Variants in DACH2 observed in about 807,000 individuals in gnomAD.
DACH2 encodes the protein dachshund family transcription factor 2.
In DACH2, 17 loss-of-function variants were observed where a neutral mutation model predicts 35.8. That is an observed-to-expected ratio of 0.48 (90% CI 0.33 to 0.71). The LOEUF is 0.71. Ranked by LOEUF, DACH2 falls within the 30% of genes least tolerant of loss-of-function variation. DACH2 has a pLI of 0.02. For synonymous variants in DACH2, 195 were observed against 177.3 expected, an observed-to-expected ratio of 1.10 and a Z score of -0.79; for missense variants, 469 against 472.7, an observed-to-expected ratio of 0.99 and a Z score of 0.07.
intron 6 of DACH2, among the ~76,000 whole-genome samples, chrX:86,725,201 T>C: frequency 9.0e-6 from 1 of 111,639 alleles, no homozygotes; most frequent in Middle Eastern, 4.7e-3. Context: ...TTTTGATTCA[T>C]TTCTTTTCCT....
At chrX:86,549,326 C>A (rs2039015983) in intron 3 of DACH2, among the ~76,000 whole-genome samples, 1 of 110,989 alleles carries the variant, frequency 9.0e-6, no homozygotes, top group Non-Finnish European at 1.9e-5. Context: ...ATAATATTTT[C>A]CCTTGAGACA....
At chrX:86,727,432 C>G (rs949137660) in intron 6 of DACH2, among the ~76,000 whole-genome samples, 1 of 111,577 alleles carries the variant, frequency 9.0e-6, no homozygotes, top group African/African-American at 3.3e-5. Flanking sequence ...GTTTAAATTA[C>G]TCTTACTGTC....
chrX:86,291,493 G>C (rs1379324057), intron 1 of DACH2, among the ~76,000 whole-genome samples: 1 of 105,184 alleles, frequency 9.5e-6, no homozygotes, highest in African/African-American at 3.6e-5. Context: ...GGGCATCCCT[G>C]TCTTGTGCCA....
At chrX:86,718,886 C>G (rs765410248) in intron 6 of DACH2, among the ~76,000 whole-genome samples, 28 of 111,839 alleles carry the variant, frequency 2.5e-4, no homozygotes, top group Non-Finnish European at 4.3e-4. Context: ...TGTAGCCTTA[C>G]AGTATAATTT....
At chrX:86,445,688 C>T (rs1198600643) in intron 2 of DACH2, among the ~76,000 whole-genome samples, 1 of 108,367 alleles carries the variant, frequency 9.2e-6, no homozygotes, top group Non-Finnish European at 1.9e-5. Flanking sequence ...TCTTCTATTA[C>T]TGATTTCTAG....
chrX:86,635,328 TAA>T (rs77223425), intron 3 of DACH2, among the ~76,000 whole-genome samples: 33,542 of 85,926 alleles, frequency 0.39, 5,547 homozygotes, highest in Middle Eastern at 0.5. Flanking sequence ...TCCATAGTGT[TAA>T]AAAAAAAAAA....
At chrX:86,793,927 T>C (rs940016729) in intron 7 of DACH2, among the ~76,000 whole-genome samples, 1 of 112,146 alleles carries the variant, frequency 8.9e-6, no homozygotes, top group Non-Finnish European at 1.9e-5. Context: ...CAAAGTGCAT[T>C]GTACTTAAAT....
intron 3 of DACH2, among the ~76,000 whole-genome samples, chrX:86,642,540 T>C (rs1305616240): frequency 3.6e-5 from 4 of 111,538 alleles, no homozygotes; most frequent in Non-Finnish European, 7.5e-5. Flanking sequence ...CAGCATTAGA[T>C]AGATCATTGA....
intron 3 of DACH2, among the ~76,000 whole-genome samples, chrX:86,556,795 T>TATATATATAGAG (rs1232719385): frequency 5.9e-4 from 15 of 25,284 alleles, no homozygotes; most frequent in East Asian, 1.7e-3. Flanking sequence ...TATATATATA[T>TATATATATAGAG]AGAGAGAGAG....
Position 86,468,735 on chromosome X carries a change from AG to A in DACH2, c.528-45543del, listed in dbSNP as rs1204334705. 2.9e-4 allele frequency among the ~76,000 whole-genome samples: 32 copies of A among 111,834 alleles called. 1 individual carries two copies. Among genetic ancestry groups the A allele is most frequent in the Non-Finnish European group, 3.8e-5 (2 of 53,130 alleles). On this transcript the variant is annotated intron_variant, in intron 2 of 11. Coordinates refer to ENST00000373125, the MANE Select transcript of DACH2 (RefSeq NM_053281.3). ...CAGCATATTAAAGACTTGTATTCAA[AG>A]TTCAACAAAGCCTATTGTGGGGATG... is the stretch of plus-strand genomic sequence containing the variant.
At chrX:86,544,063 T>C (rs2038925127) in intron 3 of DACH2, among the ~76,000 whole-genome samples, 1 of 110,993 alleles carries the variant, frequency 9.0e-6, no homozygotes, top group Non-Finnish European at 1.9e-5. Flanking sequence ...GCTCAAAGAA[T>C]GATTCTCTGA....
At chrX:86,258,944 G>A (rs978603607) in intron 1 of DACH2, among the ~76,000 whole-genome samples, 1 of 111,664 alleles carries the variant, frequency 9.0e-6, no homozygotes, top group East Asian at 2.8e-4. Flanking sequence ...GGAGACTTTG[G>A]TTAACTTTTG....
intron 1 of DACH2, among the ~76,000 whole-genome samples, chrX:86,356,782 G>A (rs180921680): frequency 9.0e-6 from 1 of 111,396 alleles, no homozygotes; most frequent in East Asian, 2.8e-4. Flanking sequence ...ATTTTTTCAA[G>A]CTGTCTTTTT....
At position 86,674,652 on chromosome X, in the gene DACH2, G is replaced by T. The variant is rs777314013; in HGVS notation, c.773-20369G>T. On this transcript the variant is annotated intron_variant, in intron 4 of 11. Coordinates refer to ENST00000373125, the MANE Select transcript of DACH2 (RefSeq NM_053281.3). ...GAGTATCTAGTGTTTATCTTTTCTGGCTCCAGAATTTCTTATTGCAAAAAT... is the reference window on the plus strand; with the variant it reads ...GAGTATCTAGTGTTTATCTTTTCTGTCTCCAGAATTTCTTATTGCAAAAAT... 1.6e-4 allele frequency among the ~76,000 whole-genome samples: 18 copies of T among 111,635 alleles called. 1 individual carries two copies. The South Asian group carries it at 5.9e-3, about 37-fold the overall frequency.
At chrX:86,762,156 A>T (rs1897785717) in intron 7 of DACH2, among the ~76,000 whole-genome samples, 1 of 111,519 alleles carries the variant, frequency 9.0e-6, no homozygotes. Context: ...AGAGATCAAC[A>T]AACAAATAAA....
chrX:86,336,503 C>G lies in DACH2; in HGVS notation c.489-40321C>G, dbSNP rs2105921. Among the ~76,000 whole-genome samples, 179 of 111,595 alleles carry G rather than the reference C, an allele frequency of 1.6e-3. 1 individual carries two copies. In the Middle Eastern group the frequency reaches 0.028, roughly 17 times the overall value. On this transcript the variant is annotated intron_variant, in intron 1 of 11. Coordinates refer to ENST00000373125, the MANE Select transcript of DACH2 (RefSeq NM_053281.3). Reference sequence around the variant, plus strand: ...TCCAGCAGACCTGCAGCAGATGGGCCTGACTGTTAGAGGGAAAACTAACAA... The same window carrying G: ...TCCAGCAGACCTGCAGCAGATGGGCGTGACTGTTAGAGGGAAAACTAACAA...
chrX:86,822,994 T>C (rs750168061), intron 11 of DACH2, among the ~76,000 whole-genome samples: 3 of 111,687 alleles, frequency 2.7e-5, no homozygotes, highest in Non-Finnish European at 5.6e-5. Context: ...TCATGCTTGT[T>C]ACCCAGGCAG....
intron 4 of DACH2, among the ~76,000 whole-genome samples, chrX:86,667,576 GA>G (rs1171280023): frequency 1.0e-5 from 1 of 99,616 alleles, no homozygotes. Flanking sequence ...AAGAAAGAAA[GA>G]AAGAAAGAAA....
intron 2 of DACH2, among the ~76,000 whole-genome samples, chrX:86,503,853 A>G (rs2369082): frequency 0.34 from 37,291 of 110,465 alleles, 5,216 homozygotes; most frequent in African/African-American, 0.5. Context: ...TTTGTCAGCT[A>G]TTGGATCTTG....
Sources: allele counts gnomAD v4.1 joint callset (sites outside exome capture counted in the v4.1 genomes callset), GRCh38; gene constraint gnomAD v4.1.1; transcripts MANE v1.5; gene names NCBI Gene and HGNC (gene_info 2026-07-23, HGNC 2026-07-21).